Variants in TBCK observed in about 807,000 individuals in gnomAD.
TBCK encodes the protein TBC1 domain containing kinase.
Under a neutral mutation model 113.4 loss-of-function variants are expected in TBCK, and 99 were observed. That is an observed-to-expected ratio of 0.87 (90% CI 0.74 to 1.03). The LOEUF is 1.03. TBCK is among the 50% of genes least tolerant of loss of function. TBCK has a pLI of 0.00. For synonymous variants in TBCK, 369 were observed against 370.8 expected (o/e 1.00, Z 0.05); for missense variants, 1,045 against 1,061.3 (o/e 0.98, Z 0.21).
chr4:106,299,685 T>G (rs1451429452), intron 2 of TBCK, among the ~76,000 whole-genome samples: 1 of 152,218 alleles, frequency 6.6e-6, no homozygotes, highest in Non-Finnish European at 1.5e-5. Flanking sequence ...GTCTTCATTC[T>G]GAAATCTCTG....
chr4:106,058,975 A>G (rs1735734786), intron 25 of TBCK, among the ~76,000 whole-genome samples: 1 of 151,742 alleles, frequency 6.6e-6, no homozygotes, highest in Non-Finnish European at 1.5e-5. Flanking sequence ...AGACCTAGTT[A>G]ACAGAGTAAT....
chr4:106,307,096 A>G (rs1256306118), intron 2 of TBCK, among the ~76,000 whole-genome samples: 1 of 152,216 alleles, frequency 6.6e-6, no homozygotes, highest in African/African-American at 2.4e-5. Flanking sequence ...AACAGTATTT[A>G]TGGTACGGAA....
At chr4:106,207,083 A>C (rs1755589831) in intron 20 of TBCK, among the ~76,000 whole-genome samples, 1 of 152,220 alleles carries the variant, frequency 6.6e-6, no homozygotes, top group Admixed American at 6.5e-5. Context: ...TTTTAAAAGC[A>C]GAAACACATA....
At chr4:106,157,042 G>A (rs1396843431) in intron 23 of TBCK, among the ~76,000 whole-genome samples, 7 of 152,154 alleles carry the variant, frequency 4.6e-5, no homozygotes, top group Admixed American at 3.9e-4. Flanking sequence ...GGGCCCAAGG[G>A]CACTTTATTC....
intron 23 of TBCK, among the ~76,000 whole-genome samples, chr4:106,136,813 C>T (rs776795530): frequency 7.1e-6 from 1 of 140,984 alleles, no homozygotes; most frequent in African/African-American, 2.5e-5. Flanking sequence ...TGTTTTCATA[C>T]CTCCATTGCC....
intron 3 of TBCK, among the ~76,000 whole-genome samples, chr4:106,288,668 G>A (rs1457896467): frequency 2.6e-5 from 4 of 152,148 alleles, no homozygotes; most frequent in South Asian, 4.1e-4. Flanking sequence ...TTTGCTCAGC[G>A]TAATATTTAT....
chr4:106,207,265 C>T (rs1320539674), intron 20 of TBCK, among the ~76,000 whole-genome samples: 1 of 152,112 alleles, frequency 6.6e-6, no homozygotes, highest in African/African-American at 2.4e-5. Context: ...ATTCAGAGTT[C>T]CGTGACCCAG....
At chr4:106,226,392 T>A (rs1054912221) in intron 19 of TBCK, among the ~76,000 whole-genome samples, 26 of 152,226 alleles carry the variant, frequency 1.7e-4, no homozygotes, top group Admixed American at 1.7e-3. Flanking sequence ...GGTGGCCATC[T>A]AGCCAGGTAT....
At chr4:106,052,279 G>A (rs1278749230) in intron 25 of TBCK, among the ~76,000 whole-genome samples, 1 of 151,738 alleles carries the variant, frequency 6.6e-6, no homozygotes, top group Non-Finnish European at 1.5e-5. Context: ...CCCTACCATA[G>A]GCACTTGTGA....
At chr4:106,098,877 T>C (rs1197732068) in intron 24 of TBCK, among the ~76,000 whole-genome samples, 3 of 152,062 alleles carry the variant, frequency 2.0e-5, no homozygotes, top group African/African-American at 7.2e-5. Flanking sequence ...CCAAAAGTAT[T>C]TGAATGTGTG....
intron 23 of TBCK, among the ~76,000 whole-genome samples, chr4:106,152,155 C>T (rs1461564507): frequency 3.3e-5 from 5 of 151,850 alleles, no homozygotes; most frequent in African/African-American, 1.2e-4. Flanking sequence ...ATGCTTGTTA[C>T]ATTCTTGATC....
chr4:106,098,135 T>C (rs1346881286), intron 24 of TBCK, among the ~76,000 whole-genome samples: 2 of 152,094 alleles, frequency 1.3e-5, no homozygotes, highest in Non-Finnish European at 2.9e-5. Flanking sequence ...AGTATGACTG[T>C]CACTTTACTG....
chr4:106,041,654 T>C lies in TBCK; in HGVS notation c.*4916A>G, dbSNP rs534135759. ...GTATTATTAGAATAGAACAGTATTA[T>C]TGAAATGCTGCAGACAATGCAAACT... On this transcript the variant is annotated 3_prime_UTR_variant, in exon 26 of 26. Coordinates refer to ENST00000394708, the MANE Select transcript of TBCK (RefSeq NM_001163435.3). The C allele has an allele frequency of 6.6e-5, 10 of 152,258 alleles. No individual in the cohort carries two copies. The highest frequency in any genetic ancestry group is 4.1e-4 in the South Asian group (2 of 4,832). The allele number at this position is 152,258 out of a possible 1,614,324, so 9.4% of individuals were successfully genotyped here.
chr4:106,113,696 C>T (rs562178009), intron 24 of TBCK, among the ~76,000 whole-genome samples: 16 of 152,142 alleles, frequency 1.1e-4, no homozygotes, highest in African/African-American at 2.4e-4. Context: ...CTGGACAGGA[C>T]GCTGAAGAAG....
In TBCK at chr4:106,215,711, T is replaced by A. The variant is rs1756806823; in HGVS notation, c.1775-2876A>T. On this transcript the variant is annotated intron_variant, in intron 19 of 25. Transcript: ENST00000394708. ...CTCAATACAGGAGCACCCAGATTCA[T>A]AAAGCAAGTCCTGAGTGACCTACAA... Among the ~76,000 whole-genome samples the A allele has an allele frequency of 2.0e-5, 3 of 151,658 alleles. No homozygotes were observed. The South Asian group carries it at 6.3e-4, about 32-fold the overall frequency.
chr4:106,189,386 G>A (rs1753409629), intron 22 of TBCK, among the ~76,000 whole-genome samples: 2 of 150,168 alleles, frequency 1.3e-5, no homozygotes, highest in South Asian at 4.2e-4. Context: ...TGACATGCAT[G>A]AATATCATGT....
At chr4:106,255,469 C>T (rs1413945044) in intron 5 of TBCK, among the ~76,000 whole-genome samples, 2 of 152,218 alleles carry the variant, frequency 1.3e-5, no homozygotes, top group Non-Finnish European at 2.9e-5. Context: ...CAAGCAGGTC[C>T]AGGTGCTGGC....
chr4:106,306,150 GC>G (rs1226248806), intron 2 of TBCK, among the ~76,000 whole-genome samples: 13 of 150,564 alleles, frequency 8.6e-5, no homozygotes, highest in Non-Finnish European at 1.8e-4. Flanking sequence ...ACTCACTGCA[GC>G]CCCAAACTCC....
chr4:106,241,477 T>G lies in TBCK; in HGVS notation c.1170+993A>C, dbSNP rs900083566. 3.3e-5 allele frequency among the ~76,000 whole-genome samples: 5 copies of G among 151,988 alleles called. No individual in the cohort carries two copies. The East Asian group carries it at 9.6e-4, about 29-fold the overall frequency. ...GACAAAAAAACTGAAGGTCTTCCCT[T>G]GCTAGATATCAACAGTTCACATAAA... is the stretch of plus-strand genomic sequence containing the variant. On this transcript the variant is annotated intron_variant, in intron 12 of 25. Coordinates refer to ENST00000394708, the MANE Select transcript of TBCK (RefSeq NM_001163435.3).
Sources: gnomAD v4.1 joint callset for allele counts (sites outside exome capture counted in the v4.1 genomes callset) on GRCh38, gnomAD v4.1.1 for gene constraint, MANE v1.5 for transcripts, NCBI Gene and HGNC (gene_info 2026-07-23, HGNC 2026-07-21) for gene names.